Variants in KMT2A observed in about 807,000 individuals in gnomAD.
KMT2A encodes the protein lysine methyltransferase 2A, also known as histone-lysine N-methyltransferase 2A.
In KMT2A, 16 loss-of-function variants were observed where a neutral mutation model predicts 345.3. The ratio of observed to expected loss-of-function variants is 0.05; its 90% CI spans 0.03 to 0.07. The LOEUF (loss-of-function observed/expected upper bound fraction) is 0.07, where lower values mean the gene tolerates loss of function less well. KMT2A is among the 10% of genes least tolerant of loss of function. KMT2A has a pLI of 1.00. For missense variants in KMT2A, 3,272 were observed against 4,841.6 expected (o/e 0.68, Z 9.62); for synonymous variants, 1,599 against 1,778.6 (o/e 0.90, Z 2.54).
At chr11:118,486,024 A>G (rs541622963) in intron 10 of KMT2A, among the ~76,000 whole-genome samples, 113 of 152,354 alleles carry the variant, frequency 7.4e-4, no homozygotes, top group Non-Finnish European at 1.3e-3. Context: ...TGGAGCTTGC[A>G]GTGAGCCGAG....
chr11:118,443,793 CT>C (rs1444443809), intron 1 of KMT2A, among the ~76,000 whole-genome samples: 2 of 152,196 alleles, frequency 1.3e-5, no homozygotes, highest in African/African-American at 4.8e-5. Context: ...CAGCAGTACC[CT>C]GTGAAGTACC....
At chr11:118,475,688 A>G (rs1950025062) in intron 3 of KMT2A, among the ~76,000 whole-genome samples, 2 of 152,122 alleles carry the variant, frequency 1.3e-5, no homozygotes, top group African/African-American at 4.8e-5. Context: ...ACGGCACTAC[A>G]CTCCAGCCTG....
At chr11:118,507,126 G>C (rs543572659) in intron 27 of KMT2A, among the ~76,000 whole-genome samples, 35 of 152,272 alleles carry the variant, frequency 2.3e-4, no homozygotes, top group African/African-American at 6.7e-4. Flanking sequence ...GTAAGACCCT[G>C]TCTCTACAAA....
chr11:118,462,695 A>T (rs1949767912), intron 1 of KMT2A, among the ~76,000 whole-genome samples: 1 of 152,096 alleles, frequency 6.6e-6, no homozygotes, highest in Non-Finnish European at 1.5e-5. Flanking sequence ...AGTAGCTGGG[A>T]CTACAGGCGC....
chr11:118,453,594 A>G (rs1555029702), intron 1 of KMT2A, among the ~76,000 whole-genome samples: 1 of 152,178 alleles, frequency 6.6e-6, no homozygotes, highest in Non-Finnish European at 1.5e-5. Context: ...ATACGCTGAC[A>G]ACTAAGAAAT....
Position 118,472,651 on chromosome 11 carries a change from G to A in KMT2A, c.1492G>A (p.Val498Ile), listed in dbSNP as rs571230532. 3.7e-6 allele frequency: 6 copies of A among 1,612,760 alleles called. No homozygotes were observed. In the East Asian group the frequency reaches 1.1e-4, roughly 30 times the overall value. ...CTCTCAGGCTTCTGAGGAGATTCAGGTACTTCCTGAGGAGCGGAGCGATAC... is the reference window on the plus strand; with the variant it reads ...CTCTCAGGCTTCTGAGGAGATTCAGATACTTCCTGAGGAGCGGAGCGATAC... The part of the protein sequence containing the change: ...TDSQASEEIQ[V>I]LPEERSDTPE... Residue 498 changes from valine (V) to isoleucine (I), a missense_variant, in exon 3 of 36, where the codon GTA becomes ATA. This residue lies in a region of KMT2A where 180 missense variants were observed against 190.7 expected (regional missense o/e 0.94). Transcript: ENST00000534358.
In KMT2A at chr11:118,505,530, C is replaced by T. The variant is rs565966604; in HGVS notation, c.9638C>T (p.Thr3213Ile). 1 of 1,614,186 alleles carries T rather than the reference C, an allele frequency of 6.2e-7. No individual in the cohort carries two copies. Among genetic ancestry groups the T allele is most frequent in the South Asian group, 1.1e-5 (1 of 91,078 alleles). ...ESSQRTDLSTTVATPSSGLKK... is the reference protein window; with the variant it reads ...ESSQRTDLSTIVATPSSGLKK... The stretch of plus-strand genomic sequence containing the variant: ...AGCCAGAGGACAGACCTCAGTACCA[C>T]AGTAGCCACTCCATCCTCTGGACTC... The change falls in exon 27 of 36, where the codon ACA becomes ATA. Residue 3213 changes from threonine (T) to isoleucine (I), a missense_variant. Physicochemically the swap from Thr to Ile is moderately conservative, Grantham distance 89. This residue lies in a region of KMT2A where 748 missense variants were observed against 922.2 expected (regional missense o/e 0.81). Transcript: ENST00000534358. This position sits in a 1 kb window ranked among gnomAD's most constrained non-coding sequence, Gnocchi z 4.6.
intron 4 of KMT2A, 118 bp downstream of exon 4, chr11:118,477,100 A>G: frequency 2.2e-6 from 2 of 916,500 alleles, no homozygotes; most frequent in Non-Finnish European, 3.4e-6. Context: ...ACAGATGGCA[A>G]GAGGGGATTA....
rs781881705 is a variant in KMT2A, at chr11:118,491,941, T to C, written c.5004+13T>C. ...ACGCTACCGGCAGGTAGGCCAAGTC[T>C]CATTTTTTTCTGAGAGCTTGTTCTT... On this transcript the variant is annotated intron_variant, in intron 15 of 35. Transcript: ENST00000534358. This position sits in a 1 kb window ranked among gnomAD's most constrained non-coding sequence, Gnocchi z 4.2. 1 of 1,601,884 alleles carries C rather than the reference T, an allele frequency of 6.2e-7. No individual in the cohort carries two copies.
At position 118,497,977 on chromosome 11, in the gene KMT2A, A is replaced by G. The variant is rs1950437042; in HGVS notation, c.5706A>G (p.Thr1902=). ...RLLYIGQNEW[T]HVNCALWSAE... ...TATATATTGGCCAAAATGAGTGGAC[A>G]CATGTAAATTGTGCTTTGTGGTCAG... Residue 1902 remains threonine (T), a synonymous_variant, in exon 21 of 36, where the codon ACA becomes ACG. Coordinates refer to ENST00000534358, the MANE Select transcript of KMT2A (RefSeq NM_001197104.2). This position sits in a 1 kb window ranked among gnomAD's most constrained non-coding sequence, Gnocchi z 4.8. 1 of 1,613,514 alleles carries G rather than the reference A, an allele frequency of 6.2e-7. No homozygotes were observed. The highest frequency in any genetic ancestry group is 1.3e-5 in the African/African-American group (1 of 74,924).
chr11:118,439,969 T>C (rs1179006354), intron 1 of KMT2A, among the ~76,000 whole-genome samples: 1 of 151,956 alleles, frequency 6.6e-6, no homozygotes, highest in Non-Finnish European at 1.5e-5. Context: ...AATGATAAAG[T>C]TCCAAAAGGG....
Position 118,505,283 on chromosome 11 carries a change from G to A in KMT2A, c.9391G>A (p.Gly3131Ser), listed in dbSNP as rs150804738. The A allele has an allele frequency of 6.6e-4, 1,070 of 1,614,156 alleles. 15 individuals are homozygous for A. In the East Asian group the frequency reaches 0.022, roughly 34 times the overall value. Residue 3131 changes from glycine (G) to serine (S), a missense_variant, in exon 27 of 36, where the codon GGT (glycine) becomes AGT (serine). This residue lies in a region of KMT2A where 748 missense variants were observed against 922.2 expected (regional missense o/e 0.81). Coordinates refer to ENST00000534358, the MANE Select transcript of KMT2A (RefSeq NM_001197104.2). The surrounding 1 kb of genome is among the most constrained non-coding windows in gnomAD (Gnocchi z 4.6). The stretch of plus-strand genomic sequence containing the variant: ...TTCAGTATTGGGACCCATGGGAGGT[G>A]GTCTCACCCTTACCACAGGACTAAA... ...NTSVLGPMGG[G>S]LTLTTGLNPS...
At chr11:118,447,609 T>C (rs1555027522) in intron 1 of KMT2A, 8 of 450,752 alleles carry the variant, frequency 1.8e-5, no homozygotes, top group Non-Finnish European at 3.5e-5. Context: ...TACTTGAGTG[T>C]TGTTTCCATT....
In KMT2A at chr11:118,510,039, T is replaced by C; in HGVS notation, c.10992T>C (p.Thr3664=). ...AACAAAAGCGGAAGGAAAGCATTAC[T>C]GAGAAAAAACCCAAGAAAGGACTTG... ...QQEQKRKESI[T]EKKPKKGLVF... The change falls in exon 30 of 36, where the codon ACT becomes ACC. Residue 3664 remains threonine, a synonymous_variant. Transcript: ENST00000534358. The surrounding 1 kb of genome is among the most constrained non-coding windows in gnomAD (Gnocchi z 4.1). The C allele has an allele frequency of 6.2e-7, 1 of 1,613,984 alleles. No homozygotes were observed. The highest frequency in any genetic ancestry group is 1.1e-5 in the South Asian group (1 of 91,068).
At chr11:118,512,281 A>G (rs1950704842) in intron 31 of KMT2A, 1 of 508,258 alleles carries the variant, frequency 2.0e-6, no homozygotes, top group Non-Finnish European at 3.4e-6. Flanking sequence ...GAAACCCCCT[A>G]TTCATTAGCA....
rs782490280 is a variant in KMT2A at position 118,474,222 on chromosome 11, G to A, written c.3063G>A (p.Lys1021=). ...AQADKLPMTD[K]RVASLLKKAK... is the part of the protein sequence containing the mutation. ...CAGACAAGCTTCCAATGACTGACAA[G>A]AGGGTTGCCAGCCTCCTAAAAAAGG... Residue 1021 remains lysine (K), a synonymous_variant, in exon 3 of 36, where the codon AAG becomes AAA. Coordinates refer to ENST00000534358, the MANE Select transcript of KMT2A (RefSeq NM_001197104.2). The A allele has an allele frequency of 6.2e-7, 1 of 1,614,164 alleles. No individual in the cohort carries two copies. Among genetic ancestry groups the A allele is most frequent in the Non-Finnish European group, 8.5e-7 (1 of 1,180,042 alleles).
chr11:118,503,179 A>T lies in KMT2A; in HGVS notation c.7287A>T (p.Arg2429Ser). ...EHMGSSSRDR[R>S]QKGKKSCKET... ...TGGGATCTAGTTCCAGAGATAGGAG[A>T]CAGAAAGGGAAAAAATCCTGTAAAG... The change falls in exon 27 of 36, where the codon AGA (arginine) becomes AGT (serine). Residue 2429 changes from arginine to serine, a missense_variant. Arg to Ser is a moderately radical substitution (Grantham distance 110, BLOSUM62 -1). Around this residue, in one of 27 missense-constraint regions of KMT2A, gnomAD observed 445 missense variants for 500.9 expected, o/e 0.89. Transcript: ENST00000534358. This position sits in a 1 kb window ranked among gnomAD's most constrained non-coding sequence, Gnocchi z 5.3. 1 of 1,614,046 alleles carries T rather than the reference A, an allele frequency of 6.2e-7. No homozygotes were observed. Among genetic ancestry groups the T allele is most frequent in the South Asian group, 1.1e-5 (1 of 91,060 alleles).
chr11:118,488,583 A>T (rs2090787242), intron 10 of KMT2A, 31 bp from the exon 11 acceptor site: 1 of 1,610,522 alleles, frequency 6.2e-7, no homozygotes, highest in East Asian at 2.2e-5. Flanking sequence ...ATTATTTGAC[A>T]TACTTCTATC....
chr11:118,513,603 C>T (rs1950736539), intron 31 of KMT2A, among the ~76,000 whole-genome samples: 1 of 151,844 alleles, frequency 6.6e-6, no homozygotes, highest in Non-Finnish European at 1.5e-5. Context: ...AAAGACCCAA[C>T]AGGCAGTTTA....
Sources: allele counts gnomAD v4.1 joint callset (sites outside exome capture counted in the v4.1 genomes callset), GRCh38; gene constraint gnomAD v4.1.1; regional missense constraint gnomAD v4.1.1; non-coding constraint Gnocchi (gnomAD v3.1); transcripts MANE v1.5; gene names NCBI Gene and HGNC (gene_info 2026-07-23, HGNC 2026-07-21).